Variants in MAF observed in about 807,000 individuals in gnomAD.
MAF encodes the protein MAF bZIP transcription factor.
Under a neutral mutation model 22.0 loss-of-function variants are expected in MAF, and 10 were observed. The observed-to-expected ratio is 0.45, with a 90% CI of 0.28 to 0.77. The LOEUF (loss-of-function observed/expected upper bound fraction) is 0.77, where lower values mean the gene tolerates loss of function less well. Among genes scored for constraint, MAF ranks in the 30% least tolerant of loss-of-function variants. MAF has a pLI of 0.12. For missense variants in MAF, 544 were observed against 548.4 expected (o/e 0.99, Z 0.08); for synonymous variants, 337 against 255.8 (o/e 1.32, Z -3.03).
the MAF span, among the ~76,000 whole-genome samples, chr16:79,558,409 G>T: frequency 2.6e-5 from 4 of 152,120 alleles, no homozygotes; most frequent in Non-Finnish European, 2.9e-5. Flanking sequence ...CCTTTGCTTT[G>T]GCTAATTACA....
the MAF span, among the ~76,000 whole-genome samples, chr16:79,224,113 A>G: frequency 6.6e-6 from 1 of 152,214 alleles, no homozygotes; most frequent in Non-Finnish European, 1.5e-5. Flanking sequence ...AATCCTCAAT[A>G]AAATACTGGC....
chr16:79,547,815 CCT>C, the MAF span, among the ~76,000 whole-genome samples: 2 of 151,956 alleles, frequency 1.3e-5, no homozygotes, highest in African/African-American at 4.8e-5. Flanking sequence ...TCTTTTTTCT[CCT>C]CTGTCTCCTC....
chr16:79,266,620 A>T, the MAF span, among the ~76,000 whole-genome samples: 2 of 152,198 alleles, frequency 1.3e-5, no homozygotes, highest in Non-Finnish European at 2.9e-5. Flanking sequence ...CACTTTTATT[A>T]CTTATATAAG....
chr16:79,337,596 T>C, the MAF span, among the ~76,000 whole-genome samples: 1 of 93,030 alleles, frequency 1.1e-5, no homozygotes, highest in African/African-American at 4.1e-5. Flanking sequence ...AAAGACAGCA[T>C]ACCATTTGCA....
the MAF span, among the ~76,000 whole-genome samples, chr16:79,313,129 C>A: frequency 6.6e-6 from 1 of 152,152 alleles, no homozygotes; most frequent in African/African-American, 2.4e-5. Flanking sequence ...ATCTCACAAG[C>A]GTGCCACGAA....
At chr16:79,357,708 A>C in the MAF span, among the ~76,000 whole-genome samples, 1 of 152,074 alleles carries the variant, frequency 6.6e-6, no homozygotes, top group African/African-American at 2.4e-5. Flanking sequence ...ACTGGTTACT[A>C]GATGCTGCCC....
chr16:79,395,434 G>C, the MAF span, among the ~76,000 whole-genome samples: 1 of 152,302 alleles, frequency 6.6e-6, no homozygotes, highest in East Asian at 1.9e-4. Context: ...TTGGAAATAG[G>C]CTCTTTGGAG....
At chr16:79,275,638 C>T in the MAF span, among the ~76,000 whole-genome samples, 4 of 152,272 alleles carry the variant, frequency 2.6e-5, no homozygotes, top group East Asian at 7.7e-4. Flanking sequence ...GCCCCATTGT[C>T]AGTCATGGCT....
the MAF span, among the ~76,000 whole-genome samples, chr16:79,515,652 T>A: frequency 6.6e-6 from 1 of 152,164 alleles, no homozygotes; most frequent in African/African-American, 2.4e-5. Context: ...GAAGCGTCTG[T>A]ATTTACAACT....
At chr16:79,377,294 T>C in the MAF span, among the ~76,000 whole-genome samples, 13,706 of 152,334 alleles carry the variant, frequency 0.09, 702 homozygotes, top group South Asian at 0.16. Flanking sequence ...TCAGCATTTT[T>C]TCATGTGTCT....
the MAF span, among the ~76,000 whole-genome samples, chr16:79,570,235 T>A: frequency 6.6e-6 from 1 of 152,104 alleles, no homozygotes; most frequent in Non-Finnish European, 1.5e-5. Flanking sequence ...TACCTAAGCA[T>A]CCTTCTGGGC....
At chr16:79,310,492 C>A in the MAF span, among the ~76,000 whole-genome samples, 1 of 152,192 alleles carries the variant, frequency 6.6e-6, no homozygotes, top group Non-Finnish European at 1.5e-5. Context: ...CCTAGGTTGA[C>A]CACCTTTAGT....
the MAF span, among the ~76,000 whole-genome samples, chr16:79,507,105 T>A: frequency 7.2e-6 from 1 of 138,704 alleles, no homozygotes; most frequent in Non-Finnish European, 1.5e-5. Flanking sequence ...TTAATTAACT[T>A]TTCTGCGTCT....
chr16:79,550,581 G>A, the MAF span, among the ~76,000 whole-genome samples: 1 of 152,152 alleles, frequency 6.6e-6, no homozygotes, highest in Non-Finnish European at 1.5e-5. Context: ...AAAAAGGAGA[G>A]AAAATGAAGT....
At chr16:79,472,382 A>G in the MAF span, among the ~76,000 whole-genome samples, 1 of 152,236 alleles carries the variant, frequency 6.6e-6, no homozygotes. Flanking sequence ...ATGTCCATCA[A>G]CTACTAAAGG....
the MAF span, among the ~76,000 whole-genome samples, chr16:79,242,660 A>T: frequency 1.3e-5 from 2 of 152,012 alleles, no homozygotes; most frequent in African/African-American, 4.8e-5. Flanking sequence ...CAGAAAATTA[A>T]CAAGGATATT....
chr16:79,240,487 GAAAAA>G, the MAF span, among the ~76,000 whole-genome samples: 18 of 60,674 alleles, frequency 3.0e-4, no homozygotes, highest in African/African-American at 4.2e-4. Context: ...AGCATCTCTG[GAAAAA>G]AAAAAAAAAA....
At chr16:79,589,438 G>C (rs988015995), downstream of MAF, among the ~76,000 whole-genome samples, 2 of 151,958 alleles carry the variant, frequency 1.3e-5, no homozygotes, top group African/African-American at 4.8e-5. Context: ...TGGATTTCCC[G>C]CTTGCCTTTC....
chr16:79,462,548 C>G, the MAF span, among the ~76,000 whole-genome samples: 1 of 152,196 alleles, frequency 6.6e-6, no homozygotes, highest in Non-Finnish European at 1.5e-5. Context: ...TGTTCACACA[C>G]ATATATGCAC....
Sources: allele counts gnomAD v4.1 joint callset (sites outside exome capture counted in the v4.1 genomes callset), GRCh38; gene constraint gnomAD v4.1.1; transcripts MANE v1.5; gene names NCBI Gene and HGNC (gene_info 2026-07-23, HGNC 2026-07-21).